The following BCAS3 variants were observed in gnomAD, a reference collection of about 807,000 sequenced individuals.
The protein encoded by BCAS3 is BCAS4/BCAS3 fusion.
In BCAS3, 53 loss-of-function variants were observed where a neutral mutation model predicts 116.1. The observed-to-expected ratio is 0.46, with a 90% CI of 0.37 to 0.57. BCAS3 has a LOEUF of 0.57. Ranked by LOEUF, BCAS3 falls within the 20% of genes least tolerant of loss-of-function variation. BCAS3 has a pLI of 0.00. For missense variants in BCAS3, 917 were observed against 1,165.4 expected (o/e 0.79, Z 3.10); for synonymous variants, 391 against 408.2 (o/e 0.96, Z 0.51).
At chr17:60,758,428 A>G (rs1314638636) in intron 6 of BCAS3, among the ~76,000 whole-genome samples, 3 of 151,554 alleles carry the variant, frequency 2.0e-5, no homozygotes, top group East Asian at 1.9e-4. Context: ...TTATTCTGCT[A>G]ATTTTGAGTT....
chr17:60,955,704 T>C (rs1029562175), intron 14 of BCAS3, among the ~76,000 whole-genome samples: 2 of 152,140 alleles, frequency 1.3e-5, no homozygotes, highest in Non-Finnish European at 2.9e-5. Flanking sequence ...TTTTTATATC[T>C]CTTTAATCTC....
intron 22 of BCAS3, among the ~76,000 whole-genome samples, chr17:61,334,260 C>T (rs901366673): frequency 1.3e-5 from 2 of 152,154 alleles, no homozygotes; most frequent in African/African-American, 2.4e-5. Flanking sequence ...GGAAAAAGCA[C>T]GTAGGAGACA....
intron 10 of BCAS3, among the ~76,000 whole-genome samples, chr17:60,893,016 T>C (rs946756125): frequency 1.1e-4 from 16 of 152,146 alleles, no homozygotes; most frequent in Admixed American, 6.5e-5. Flanking sequence ...ATTAGTGATG[T>C]TGAACATTTT....
intron 22 of BCAS3, among the ~76,000 whole-genome samples, chr17:61,318,599 T>A (rs148344919): frequency 6.6e-6 from 1 of 152,146 alleles, no homozygotes; most frequent in Admixed American, 6.5e-5. Flanking sequence ...ACGGGTTATT[T>A]CCCGTGTTTC....
intron 5 of BCAS3, among the ~76,000 whole-genome samples, chr17:60,717,717 A>G (rs2038793434): frequency 1.3e-5 from 2 of 152,220 alleles, no homozygotes; most frequent in Non-Finnish European, 2.9e-5. Flanking sequence ...CATCTAGAGC[A>G]GCAGTCCCCA....
rs1203080769 is a variant in BCAS3 at position 61,239,701 on chromosome 17, C to T, written c.2426-128626C>T. Among the ~76,000 whole-genome samples, 6 of 152,090 alleles carry T rather than the reference C, an allele frequency of 3.9e-5. No individual in the cohort carries two copies. The highest frequency in any genetic ancestry group is 1.2e-4 in the African/African-American group (5 of 41,420). On this transcript the variant is annotated intron_variant, in intron 22 of 23. Coordinates refer to ENST00000407086, the MANE Select transcript of BCAS3 (RefSeq NM_017679.5). The surrounding 1 kb of genome is among the most constrained non-coding windows in gnomAD (Gnocchi z 4.2). ...GTTGGCTTTCAGAGATTAGTTTTTT[C>T]CTACTTAAAATTAAGAACTTAAAGA...
intron 15 of BCAS3, among the ~76,000 whole-genome samples, chr17:60,997,107 A>G (rs60443576): frequency 0.07 from 10,691 of 152,130 alleles, 1,144 homozygotes; most frequent in African/African-American, 0.23. Context: ...TGCAACCTAG[A>G]TCTTTGCATG....
At chr17:61,067,738 A>ATATATATATATAT (rs1271397665) in intron 19 of BCAS3, among the ~76,000 whole-genome samples, 2 of 139,132 alleles carry the variant, frequency 1.4e-5, no homozygotes, top group African/African-American at 6.2e-5. Context: ...AAAAAAAAAA[A>ATATATATATATAT]AAATATATAT....
intron 7 of BCAS3, chr17:60,821,644 C>T (rs1436410066): frequency 6.6e-6 from 1 of 151,990 alleles, no homozygotes; most frequent in Admixed American, 6.6e-5. Flanking sequence ...GCTTTGGTTA[C>T]TCAGCGTATT....
intron 9 of BCAS3, among the ~76,000 whole-genome samples, chr17:60,886,757 G>T (rs866792051): frequency 7.9e-5 from 12 of 152,080 alleles, no homozygotes; most frequent in Middle Eastern, 3.2e-3. Context: ...TAGGCTGCTC[G>T]GGGGTCAGGA....
intron 22 of BCAS3, among the ~76,000 whole-genome samples, chr17:61,164,397 A>T (rs761139854): frequency 2.6e-5 from 4 of 152,032 alleles, no homozygotes; most frequent in Non-Finnish European, 5.9e-5. Context: ...TCACACCTGT[A>T]ATGCCAGCAA....
rs1223998098 is a variant in BCAS3 at position 61,063,844 on chromosome 17, G to T, written c.2030-11076G>T. On this transcript the variant is annotated intron_variant, in intron 19 of 23. Transcript: ENST00000407086. The surrounding 1 kb of genome is among the most constrained non-coding windows in gnomAD (Gnocchi z 5.3). ...AATTTTTTTCCTATCAAATTGATATGGATGGCCTGGCCACTGAAGACTTCA... is the reference window on the plus strand; with the variant it reads ...AATTTTTTTCCTATCAAATTGATATTGATGGCCTGGCCACTGAAGACTTCA... Among the ~76,000 whole-genome samples the T allele has an allele frequency of 1.3e-5, 2 of 152,118 alleles. No homozygotes were observed. The highest frequency in any genetic ancestry group is 2.9e-5 in the Non-Finnish European group (2 of 68,016).
At chr17:60,839,307 AACTT>A (rs1410202820) in intron 7 of BCAS3, among the ~76,000 whole-genome samples, 1 of 152,288 alleles carries the variant, frequency 6.6e-6, no homozygotes, top group Admixed American at 6.5e-5. Flanking sequence ...AAATAAAGGA[AACTT>A]ACTTTCTTTT....
chr17:60,836,436 C>T (rs1019690699), intron 7 of BCAS3, among the ~76,000 whole-genome samples: 10 of 151,928 alleles, frequency 6.6e-5, no homozygotes, highest in Admixed American at 1.3e-4. Context: ...TTCTTTTTAG[C>T]GAAAGAACTT....
At chr17:60,727,358 C>A (rs111964162) in intron 5 of BCAS3, 2 of 1,525,526 alleles carry the variant, frequency 1.3e-6, no homozygotes, top group Admixed American at 1.7e-5. Flanking sequence ...ACTCTGCTTC[C>A]GATCATAGCG....
At chr17:61,322,858 G>GAGAGAGAGAGAGAGAGAGAC (rs2055410101) in intron 22 of BCAS3, among the ~76,000 whole-genome samples, 26 of 134,198 alleles carry the variant, frequency 1.9e-4, no homozygotes, top group African/African-American at 7.6e-4. Flanking sequence ...GAGAGAGACA[G>GAGAGAGAGAGAGAGAGAGAC]AGAGAGAGAG....
chr17:60,747,327 T>G, intron 6 of BCAS3, 48 bp downstream of exon 6: 1 of 1,490,128 alleles, frequency 6.7e-7, no homozygotes, highest in African/African-American at 1.4e-5. Flanking sequence ...GAGTTTCTCT[T>G]TTGTTGGTCT....
chr17:60,820,529 T>C (rs2049865478), intron 7 of BCAS3, among the ~76,000 whole-genome samples: 1 of 152,154 alleles, frequency 6.6e-6, no homozygotes, highest in East Asian at 1.9e-4. Context: ...TACACTTCAT[T>C]CTACAAAATT....
At chr17:61,221,718 G>A (rs945972277) in intron 22 of BCAS3, among the ~76,000 whole-genome samples, 2 of 152,114 alleles carry the variant, frequency 1.3e-5, no homozygotes, top group Admixed American at 1.3e-4. Context: ...TGGTTGGGGT[G>A]CTCTGCAAGG....
Sources: gnomAD v4.1 joint callset for allele counts (sites outside exome capture counted in the v4.1 genomes callset) on GRCh38, gnomAD v4.1.1 for gene constraint, Gnocchi (gnomAD v3.1) non-coding constraint, MANE v1.5 for transcripts, NCBI Gene and HGNC (gene_info 2026-07-23, HGNC 2026-07-21) for gene names.